The following SLC6A5 variants were observed in gnomAD, a reference collection of about 807,000 sequenced individuals.
The protein encoded by SLC6A5 is solute carrier family 6 member 5, also known as sodium- and chloride-dependent glycine transporter 2.
In SLC6A5, 58 loss-of-function variants were observed where a neutral mutation model predicts 90.5. The observed-to-expected ratio is 0.64, with a 90% confidence interval of 0.52 to 0.80. SLC6A5 has a LOEUF of 0.80. Ranked by LOEUF, SLC6A5 falls within the 30% of genes least tolerant of loss-of-function variation. The probability of loss-of-function intolerance (pLI) is 0.00; values close to 1 mark genes in which losing one functional copy is unlikely to be tolerated. For missense variants in SLC6A5, 1,015 were observed against 1,017.6 expected (o/e 1.00, Z 0.03); for synonymous variants, 427 against 401.4 (o/e 1.06, Z -0.76).
At chr11:20,611,484 T>C (rs750919314) in intron 5 of SLC6A5, among the ~76,000 whole-genome samples, 1 of 152,060 alleles carries the variant, frequency 6.6e-6, no homozygotes, top group Non-Finnish European at 1.5e-5. Flanking sequence ...TGAAAAAAGG[T>C]TCCCACAGAG....
intron 1 of SLC6A5, among the ~76,000 whole-genome samples, chr11:20,599,901 T>C (rs1050324184): frequency 1.3e-5 from 2 of 152,080 alleles, no homozygotes; most frequent in Non-Finnish European, 2.9e-5. Context: ...CTGTGGCTCC[T>C]AAAGACCCGA....
At chr11:20,612,432 G>A (rs1287453775) in intron 5 of SLC6A5, among the ~76,000 whole-genome samples, 3 of 152,240 alleles carry the variant, frequency 2.0e-5, no homozygotes, top group East Asian at 1.9e-4. Context: ...GTAGTGGAAC[G>A]CCTGAACTCA....
chr11:20,627,857 C>T (rs1360511285), intron 8 of SLC6A5, 123 bp from the exon 9 acceptor site: 18 of 738,584 alleles, frequency 2.4e-5, no homozygotes, highest in East Asian at 1.3e-4. Flanking sequence ...ATGTTGATGT[C>T]GGGGGTCATC....
chr11:20,620,576 G>A (rs1252364265), intron 7 of SLC6A5, among the ~76,000 whole-genome samples: 1 of 152,196 alleles, frequency 6.6e-6, no homozygotes, highest in East Asian at 1.9e-4. Context: ...TGGGAGATTG[G>A]AAGAGAAAGA....
At position 20,655,957 on chromosome 11, in the gene SLC6A5, T is replaced by C. The variant is rs1441751638; in HGVS notation, c.*1089T>C. On this transcript the variant is annotated 3_prime_UTR_variant, in exon 16 of 16. Coordinates refer to ENST00000525748, the MANE Select transcript of SLC6A5 (RefSeq NM_004211.5). ...GCAACCACAATATTCACTGCACTGGTAGTACATTTTAGGACATGGTATTTA... is the reference window on the plus strand; with the variant it reads ...GCAACCACAATATTCACTGCACTGGCAGTACATTTTAGGACATGGTATTTA... 1 of 152,202 alleles carries C rather than the reference T, an allele frequency of 6.6e-6. No homozygotes were observed. The highest frequency in any genetic ancestry group is 1.9e-4 in the East Asian group (1 of 5,200). 9.4% of individuals were successfully genotyped at this position (152,202 alleles called of 1,614,324 possible).
intron 14 of SLC6A5, among the ~76,000 whole-genome samples, chr11:20,649,661 A>G (rs1003186622): frequency 2.0e-5 from 3 of 152,182 alleles, no homozygotes; most frequent in African/African-American, 7.2e-5. Context: ...AACGAAATTG[A>G]TCATTTTTAT....
rs769848793 is a variant in SLC6A5, at chr11:20,654,911, C to T, written c.*43C>T. The T allele has an allele frequency of 3.8e-6, 6 of 1,584,838 alleles. No homozygotes were observed. The Admixed American group carries it at 1.0e-4, about 26-fold the overall frequency. ...GTCCAGACTTGATCCTGTTTTTCCTCTCTGCCTCCTCCTAATGTTTTCCAT... is the reference window on the plus strand; with the variant it reads ...GTCCAGACTTGATCCTGTTTTTCCTTTCTGCCTCCTCCTAATGTTTTCCAT... On this transcript the variant is annotated 3_prime_UTR_variant, in exon 16 of 16. Transcript: ENST00000525748.
chr11:20,603,894 T>A (rs1852525212), intron 2 of SLC6A5, among the ~76,000 whole-genome samples: 1 of 151,924 alleles, frequency 6.6e-6, no homozygotes, highest in Non-Finnish European at 1.5e-5. Context: ...TGGGGGAGCC[T>A]GCTTGCCAAA....
rs1430106674 is a variant in SLC6A5 at position 20,658,872 on chromosome 11, T to C, written c.*4004T>C. The C allele has an allele frequency of 6.6e-6, 1 of 152,150 alleles. No homozygotes were observed. The highest frequency in any genetic ancestry group is 1.5e-5 in the Non-Finnish European group (1 of 68,014). 9.4% of individuals were successfully genotyped at this position (152,150 alleles called of 1,614,324 possible). ...TCTCATTTGTTTGTGGTTTTTGCAC[T>C]TTATTATGGACCTGTAAAGGAATAG... On this transcript the variant is annotated 3_prime_UTR_variant, in exon 16 of 16. Coordinates refer to ENST00000525748, the MANE Select transcript of SLC6A5 (RefSeq NM_004211.5).
intron 5 of SLC6A5, among the ~76,000 whole-genome samples, chr11:20,610,755 A>G (rs1156497819): frequency 6.6e-6 from 1 of 152,168 alleles, no homozygotes; most frequent in Admixed American, 6.5e-5. Flanking sequence ...TAGGCCCTGA[A>G]GTGGAGATTC....
rs1489640630 is a variant in SLC6A5, at chr11:20,601,049, G to A, written c.4-80G>A. The stretch of plus-strand genomic sequence containing the variant: ...GATATTGTGTCTGGACCTGAGTTGC[G>A]AACGTCTCCATATCTAGATACAGGT... On this transcript the variant is annotated intron_variant, in intron 1 of 15. Transcript: ENST00000525748. 13 of 1,432,862 alleles carry A rather than the reference G, an allele frequency of 9.1e-6. No homozygotes were observed. In the East Asian group the frequency reaches 2.5e-4, roughly 28 times the overall value. The allele number at this position is 1,432,862 out of a possible 1,614,324, so 88.8% of individuals were successfully genotyped here.
chr11:20,626,320 G>A (rs1395165017), intron 7 of SLC6A5, among the ~76,000 whole-genome samples: 1 of 152,128 alleles, frequency 6.6e-6, no homozygotes, highest in Non-Finnish European at 1.5e-5. Context: ...GAAAGCTTAA[G>A]CTAATAGGAT....
At chr11:20,637,346 G>T (rs199926196) in intron 12 of SLC6A5, 43 bp downstream of exon 12, 3 of 1,557,082 alleles carry the variant, frequency 1.9e-6, no homozygotes, top group South Asian at 1.1e-5. Flanking sequence ...GGGGCAGGAG[G>T]GTGGGGGGCC....
chr11:20,607,186 T>A (rs1231632768), intron 4 of SLC6A5, 48 bp downstream of exon 4: 2 of 1,570,146 alleles, frequency 1.3e-6, no homozygotes, highest in Admixed American at 3.8e-5. Flanking sequence ...TCTTACTCTG[T>A]CCCCTCTGGC....
intron 13 of SLC6A5, among the ~76,000 whole-genome samples, chr11:20,643,499 C>A (rs1297276532): frequency 6.6e-6 from 1 of 152,158 alleles, no homozygotes; most frequent in African/African-American, 2.4e-5. Context: ...CATGGATTGA[C>A]CTCTCCGGAA....
intron 12 of SLC6A5, among the ~76,000 whole-genome samples, chr11:20,637,654 G>A (rs1853235429): frequency 6.6e-6 from 1 of 152,204 alleles, no homozygotes; most frequent in East Asian, 1.9e-4. Flanking sequence ...CAAGGTTGCA[G>A]TGTGCTCTGA....
chr11:20,601,629 C>A lies in SLC6A5; in HGVS notation c.504C>A (p.Ser168=), dbSNP rs199692692. The A allele has an allele frequency of 1.2e-6, 2 of 1,613,948 alleles. No individual in the cohort carries two copies. Among genetic ancestry groups the A allele is most frequent in the Non-Finnish European group, 1.7e-6 (2 of 1,179,980 alleles). Residue 168 remains serine (S), a synonymous_variant, in exon 2 of 16, where the codon TCC becomes TCA. Coordinates refer to ENST00000525748, the MANE Select transcript of SLC6A5 (RefSeq NM_004211.5). ...TVVLATDGIT[S]VLPGSVATVA... is the part of the protein sequence containing the mutation. ...TGCTGGCCACGGATGGAATCACGTC[C>A]GTGCTCCCGGGCAGCGTGGCCACCG...
At chr11:20,630,903 C>T (rs1184534498) in intron 10 of SLC6A5, 88 bp downstream of exon 10, 5 of 1,473,754 alleles carry the variant, frequency 3.4e-6, no homozygotes, top group South Asian at 2.4e-5. Flanking sequence ...GGGAAGCTGG[C>T]CTTCTGGAAC....
rs553471966 is a variant in SLC6A5 at position 20,614,139 on chromosome 11, G to A, written c.986-540G>A. ...CTTACTAAATGTGGTGCCAGGCAGT[G>A]GGTCCAAGGTGAACTTCTTAGAAAG... On this transcript the variant is annotated intron_variant, in intron 5 of 15. Transcript: ENST00000525748. Among the ~76,000 whole-genome samples, 274 of 152,262 alleles carry A rather than the reference G, an allele frequency of 1.8e-3. 2 individuals are homozygous for A. Among genetic ancestry groups the A allele is most frequent in the Non-Finnish European group, 3.5e-3 (236 of 68,006 alleles).
Sources: allele counts gnomAD v4.1 joint callset (sites outside exome capture counted in the v4.1 genomes callset), GRCh38; gene constraint gnomAD v4.1.1; transcripts MANE v1.5; gene names NCBI Gene and HGNC (gene_info 2026-07-23, HGNC 2026-07-21).